The following DISC1 variants were observed in gnomAD, a reference collection of about 807,000 sequenced individuals.
The protein encoded by DISC1 is disrupted in schizophrenia 1 protein.
A neutral mutation model predicts 84.5 loss-of-function variants in DISC1; 57 were observed. That is an observed-to-expected ratio of 0.67 (90% CI 0.55 to 0.84). The LOEUF (loss-of-function observed/expected upper bound fraction) is 0.84. DISC1 is among the 40% of genes least tolerant of loss of function. The pLI is 0.00. For missense variants in DISC1, 1,000 were observed against 1,057.8 expected, an observed-to-expected ratio of 0.95 and a Z score of 0.76; for synonymous variants, 411 against 415.2, an observed-to-expected ratio of 0.99 and a Z score of 0.12.
At chr1:231,649,519 AG>A (rs1219264372) in intron 1 of DISC1, among the ~76,000 whole-genome samples, 1 of 152,244 alleles carries the variant, frequency 6.6e-6, no homozygotes, top group Non-Finnish European at 1.5e-5. Flanking sequence ...GGTGCTGAGA[AG>A]AATGTATATT....
In DISC1 at chr1:231,801,163, TG is replaced by T. The variant is rs368384139; in HGVS notation, c.1792+955del. On this transcript the variant is annotated intron_variant, in intron 8 of 12. Coordinates refer to ENST00000439617, the MANE Select transcript of DISC1 (RefSeq NM_018662.3). ...GGCAGCTAAAGAGCAATTTGGTCCC[TG>T]GTGCAGTCACGCGTATTATTTACAA... 4.9e-3 allele frequency among the ~76,000 whole-genome samples: 740 copies of T among 152,276 alleles called. 14 individuals are homozygous for T. The highest frequency in any genetic ancestry group is 0.018 in the South Asian group (89 of 4,822).
intron 9 of DISC1, among the ~76,000 whole-genome samples, chr1:231,906,584 AAAGTC>A (rs2088661443): frequency 6.6e-6 from 1 of 152,246 alleles, no homozygotes; most frequent in Non-Finnish European, 1.5e-5. Context: ...ACTAAAAAGA[AAAGTC>A]AGGCCAGTGT....
At chr1:231,749,844 A>T (rs2074411683) in intron 3 of DISC1, 82 bp from the exon 4 acceptor site, 3 of 1,589,408 alleles carry the variant, frequency 1.9e-6, no homozygotes, top group Non-Finnish European at 2.6e-6. Context: ...GTTCACTACA[A>T]CTGGAGCTAA....
chr1:231,974,033 T>TTA (rs1352956258), intron 10 of DISC1, among the ~76,000 whole-genome samples: 3 of 152,150 alleles, frequency 2.0e-5, no homozygotes, highest in Non-Finnish European at 2.9e-5. Flanking sequence ...AGGTACATGT[T>TTA]TATGTTTGCA....
At chr1:231,938,983 G>C (rs2091143952) in intron 9 of DISC1, among the ~76,000 whole-genome samples, 1 of 152,092 alleles carries the variant, frequency 6.6e-6, no homozygotes, top group Admixed American at 6.5e-5. Flanking sequence ...ATCAGGTCTT[G>C]GTTGAAATGT....
chr1:232,000,414 A>G (rs1666535929), intron 10 of DISC1, among the ~76,000 whole-genome samples: 1 of 152,196 alleles, frequency 6.6e-6, no homozygotes, highest in Admixed American at 6.5e-5. Context: ...ACAAGAAACA[A>G]TGGACTGAAA....
intron 9 of DISC1, among the ~76,000 whole-genome samples, chr1:231,845,085 A>G (rs1029524895): frequency 2.6e-5 from 4 of 152,186 alleles, no homozygotes; most frequent in Non-Finnish European, 5.9e-5. Flanking sequence ...AATATTTATT[A>G]TCAGATGTAA....
intron 4 of DISC1, among the ~76,000 whole-genome samples, chr1:231,761,052 G>A (rs997725934): frequency 6.6e-5 from 10 of 152,348 alleles, no homozygotes; most frequent in African/African-American, 2.4e-4. Flanking sequence ...TTTCTGTGAT[G>A]TAGGATCTTA....
chr1:231,866,641 G>C, intron 9 of DISC1: 1 of 1,574,230 alleles, frequency 6.4e-7, no homozygotes, highest in South Asian at 1.2e-5. Context: ...AGCCCCCAGC[G>C]CTCAACTACT....
chr1:231,883,573 G>A (rs2086451375), intron 9 of DISC1, among the ~76,000 whole-genome samples: 1 of 152,114 alleles, frequency 6.6e-6, no homozygotes, highest in African/African-American at 2.4e-5. Context: ...GGCCTCAAGG[G>A]GCCACTATTG....
rs147324643 is a variant in DISC1, at chr1:231,959,675, G to C, written c.2042+787G>C. On this transcript the variant is annotated intron_variant, in intron 10 of 12. Transcript: ENST00000439617. ...ATGTTGAGAGGGCCTGCCTTGCAGA[G>C]CCCTACTCTTCAGGGTAAGCAAGGC... Among the ~76,000 whole-genome samples, 425 of 152,352 alleles carry C rather than the reference G, an allele frequency of 2.8e-3. 3 individuals are homozygous for C. The highest frequency in any genetic ancestry group is 9.9e-3 in the African/African-American group (411 of 41,578).
chr1:231,888,144 T>A (rs1490134298), intron 9 of DISC1, among the ~76,000 whole-genome samples: 1 of 152,146 alleles, frequency 6.6e-6, no homozygotes, highest in Non-Finnish European at 1.5e-5. Flanking sequence ...CTAAAAATAG[T>A]TACTTGTGGG....
intron 9 of DISC1, among the ~76,000 whole-genome samples, chr1:231,921,970 A>G (rs545361717): frequency 6.6e-6 from 1 of 152,268 alleles, no homozygotes; most frequent in African/African-American, 2.4e-5. Flanking sequence ...TTACCCTTTG[A>G]TCACCATCTG....
At chr1:231,973,668 C>T (rs1392442967) in intron 10 of DISC1, among the ~76,000 whole-genome samples, 1 of 152,230 alleles carries the variant, frequency 6.6e-6, no homozygotes, top group Non-Finnish European at 1.5e-5. Flanking sequence ...ACTGTGTGAT[C>T]ACATGCATTT....
At position 231,864,429 on chromosome 1, in the gene DISC1, C is replaced by T. The variant is rs943261942; in HGVS notation, c.1981+45912C>T. The stretch of plus-strand genomic sequence containing the variant: ...CTGTAATCCCAGCACTTTGGGAGGC[C>T]GAGGTGGGCAGATCACGAGGTCAGG... On this transcript the variant is annotated intron_variant, in intron 9 of 12. Transcript: ENST00000439617. Among the ~76,000 whole-genome samples the T allele has an allele frequency of 6.6e-5, 10 of 151,924 alleles. No individual in the cohort carries two copies. The East Asian group carries it at 9.7e-4, about 15-fold the overall frequency.
chr1:231,855,215 T>A, intron 9 of DISC1: 1 of 1,007,226 alleles, frequency 9.9e-7, no homozygotes, highest in South Asian at 4.1e-5. Flanking sequence ...TTATTCTAAG[T>A]GTCTTTGTTC....
chr1:232,012,956 G>C (rs372107640), intron 11 of DISC1, among the ~76,000 whole-genome samples: 57 of 152,238 alleles, frequency 3.7e-4, no homozygotes, highest in African/African-American at 1.3e-3. Flanking sequence ...TTTCATGACA[G>C]CTCTCCTCCA....
chr1:231,980,134 G>A (rs1409564274), intron 10 of DISC1, among the ~76,000 whole-genome samples: 1 of 152,104 alleles, frequency 6.6e-6, no homozygotes, highest in African/African-American at 2.4e-5. Context: ...TCCATCTATA[G>A]AGAACCATTT....
At chr1:232,035,088 G>A (rs1486723499) in intron 12 of DISC1, among the ~76,000 whole-genome samples, 2 of 152,110 alleles carry the variant, frequency 1.3e-5, no homozygotes, top group East Asian at 3.9e-4. Context: ...TTTCAGGGTG[G>A]TTCAGCACGT....
Sources: allele counts gnomAD v4.1 joint callset (sites outside exome capture counted in the v4.1 genomes callset), GRCh38; gene constraint gnomAD v4.1.1; transcripts MANE v1.5; gene names NCBI Gene and HGNC (gene_info 2026-07-23, HGNC 2026-07-21).